The following USH2A variants were observed in gnomAD, a reference collection of about 807,000 sequenced individuals.
USH2A encodes usherin.
A neutral mutation model predicts 538.9 loss-of-function variants in USH2A; 443 were observed. The ratio of observed to expected loss-of-function variants is 0.82; its 90% CI spans 0.76 to 0.89. The LOEUF is 0.89. USH2A is among the 40% of genes least tolerant of loss of function. The probability of loss-of-function intolerance (pLI) is 0.00; values close to 1 mark genes in which losing one functional copy is unlikely to be tolerated. For missense variants in USH2A, 6,633 were observed against 6,324.8 expected, an observed-to-expected ratio of 1.05 and a Z score of -1.65; for synonymous variants, 2,413 against 2,273.5, an observed-to-expected ratio of 1.06 and a Z score of -1.75.
chr1:216,214,743 C>T (rs2035310396), intron 15 of USH2A, among the ~76,000 whole-genome samples: 1 of 151,858 alleles, frequency 6.6e-6, no homozygotes, highest in Admixed American at 6.6e-5. Context: ...CTAGAAGAGG[C>T]TCTCTGGCAA....
chr1:216,185,102 T>G (rs2034572915), intron 20 of USH2A, among the ~76,000 whole-genome samples: 1 of 151,932 alleles, frequency 6.6e-6, no homozygotes, highest in South Asian at 2.1e-4. Flanking sequence ...ACAAGGATTT[T>G]AAGAGGGCCC....
At chr1:215,840,336 G>A (rs573771239) in intron 46 of USH2A, among the ~76,000 whole-genome samples, 16 of 152,060 alleles carry the variant, frequency 1.1e-4, no homozygotes, top group South Asian at 6.2e-4. Context: ...CTTTGACATC[G>A]TAATGAAAAT....
intron 21 of USH2A, among the ~76,000 whole-genome samples, chr1:216,167,060 T>A (rs545712931): frequency 6.6e-6 from 1 of 152,154 alleles, no homozygotes; most frequent in East Asian, 1.9e-4. Context: ...GAACTGAGCC[T>A]CCCTTTTCAA....
At chr1:216,138,806 C>T (rs1160671113) in intron 21 of USH2A, among the ~76,000 whole-genome samples, 2 of 152,050 alleles carry the variant, frequency 1.3e-5, no homozygotes, top group Admixed American at 1.3e-4. Context: ...CTCAAGTCTG[C>T]AATGGCAAAG....
At chr1:216,294,424 T>C (rs2037064895) in intron 9 of USH2A, among the ~76,000 whole-genome samples, 1 of 152,020 alleles carries the variant, frequency 6.6e-6, no homozygotes, top group Non-Finnish European at 1.5e-5. Flanking sequence ...TATTTTGTAT[T>C]ACTACATAGT....
chr1:216,014,252 A>G (rs1416642042), intron 32 of USH2A, among the ~76,000 whole-genome samples: 1 of 152,130 alleles, frequency 6.6e-6, no homozygotes, highest in African/African-American at 2.4e-5. Context: ...AGGAGTAGTC[A>G]TGTGTAAAAT....
intron 37 of USH2A, among the ~76,000 whole-genome samples, chr1:215,952,664 T>C (rs1445929588): frequency 6.6e-6 from 1 of 152,202 alleles, no homozygotes; most frequent in Non-Finnish European, 1.5e-5. Flanking sequence ...GATATGAAAT[T>C]CTGGGTTAAA....
chr1:215,723,624 C>T (rs958140436), intron 61 of USH2A, among the ~76,000 whole-genome samples: 2 of 152,194 alleles, frequency 1.3e-5, no homozygotes, highest in African/African-American at 4.8e-5. Flanking sequence ...TGGGGATGGA[C>T]TCTGTGCCTC....
intron 35 of USH2A, among the ~76,000 whole-genome samples, chr1:215,983,679 A>C (rs1173591959): frequency 6.6e-6 from 1 of 152,188 alleles, no homozygotes; most frequent in African/African-American, 2.4e-5. Flanking sequence ...GGATTAAATA[A>C]AATTTAGGAA....
chr1:216,033,629 T>C (rs1054389766), intron 32 of USH2A, among the ~76,000 whole-genome samples: 1 of 152,160 alleles, frequency 6.6e-6, no homozygotes, highest in Non-Finnish European at 1.5e-5. Context: ...GATGTGCAGA[T>C]CTCTTGAGCT....
chr1:216,361,571 C>A (rs1235479466), intron 4 of USH2A, among the ~76,000 whole-genome samples: 1 of 152,026 alleles, frequency 6.6e-6, no homozygotes, highest in African/African-American at 2.4e-5. Flanking sequence ...TACAAACTGT[C>A]CAATTAAAAC....
chr1:215,969,390 G>A (rs1667435823), intron 36 of USH2A, among the ~76,000 whole-genome samples: 1 of 152,166 alleles, frequency 6.6e-6, no homozygotes, highest in Non-Finnish European at 1.5e-5. Flanking sequence ...TGTCTGTGCA[G>A]GATGCAGGTT....
In USH2A at chr1:215,674,709, C is replaced by A. The variant is rs763576540; in HGVS notation, c.13202G>T (p.Gly4401Val). ...VRYDNKESLA[G>V]QGLCLLVSHL... Reference sequence around the variant, plus strand: ...GGAAACCAGCAGGCACAGGCCCTGGCCAGCAAGGGACTCTTTATTATCATA... The same window carrying A: ...GGAAACCAGCAGGCACAGGCCCTGGACAGCAAGGGACTCTTTATTATCATA... The change falls in exon 63 of 72, where the codon GGC (glycine) becomes GTC (valine). Residue 4401 changes from glycine (G) to valine (V), a missense_variant. Transcript: ENST00000307340. 6.2e-7 allele frequency: 1 copy of A among 1,614,090 alleles called. No homozygotes were observed. The highest frequency in any genetic ancestry group is 8.5e-7 in the Non-Finnish European group (1 of 1,180,026).
intron 44 of USH2A, among the ~76,000 whole-genome samples, chr1:215,850,459 T>C (rs1663987201): frequency 1.3e-5 from 2 of 152,150 alleles, no homozygotes; most frequent in South Asian, 2.1e-4. Flanking sequence ...GAAGGAGCAA[T>C]TGGCCGTCTA....
chr1:216,328,047 A>G (rs1367229372), intron 4 of USH2A, among the ~76,000 whole-genome samples: 4 of 152,100 alleles, frequency 2.6e-5, no homozygotes, highest in Admixed American at 1.3e-4. Flanking sequence ...TGCAATGCCA[A>G]AAGGAAGATT....
At chr1:215,973,170 GA>G (rs1387527114) in intron 35 of USH2A, among the ~76,000 whole-genome samples, 1 of 152,106 alleles carries the variant, frequency 6.6e-6, no homozygotes, top group Non-Finnish European at 1.5e-5. Flanking sequence ...TTTTAACTGA[GA>G]TACAAAGTAC....
intron 32 of USH2A, among the ~76,000 whole-genome samples, chr1:216,010,758 T>C (rs1335574069): frequency 6.6e-6 from 1 of 151,706 alleles, no homozygotes; most frequent in Non-Finnish European, 1.5e-5. Flanking sequence ...GTTCCCTTAT[T>C]AGGCTGAGAC....
At chr1:215,740,417 C>G (rs1660268835) in intron 60 of USH2A, among the ~76,000 whole-genome samples, 1 of 151,908 alleles carries the variant, frequency 6.6e-6, no homozygotes, top group African/African-American at 2.4e-5. Context: ...TCTTTCTCTT[C>G]CTCTCTTCCC....
chr1:215,876,192 G>A (rs1427361635), intron 43 of USH2A, among the ~76,000 whole-genome samples: 2 of 152,048 alleles, frequency 1.3e-5, no homozygotes, highest in East Asian at 3.9e-4. Flanking sequence ...AAAAGTAGTT[G>A]AGAATAGTAT....
Sources: allele counts gnomAD v4.1 joint callset (sites outside exome capture counted in the v4.1 genomes callset), GRCh38; gene constraint gnomAD v4.1.1; transcripts MANE v1.5; gene names NCBI Gene and HGNC (gene_info 2026-07-23, HGNC 2026-07-21).